Variants in NTMT2 observed in about 807,000 individuals in gnomAD.
NTMT2 encodes X-Pro-Lys N-terminal protein methyltransferase 1B.
In NTMT2, 21 loss-of-function variants were observed where a neutral mutation model predicts 23.4. The ratio of observed to expected loss-of-function variants is 0.90; its 90% CI spans 0.64 to 1.29. The LOEUF is 1.29. Among genes scored for constraint, NTMT2 ranks in the 50% most tolerant of loss-of-function variants. The probability of loss-of-function intolerance (pLI) is 0.00; values close to 1 mark genes in which losing one functional copy is unlikely to be tolerated. For missense variants in NTMT2, 336 were observed against 352.0 expected, an observed-to-expected ratio of 0.95 and a Z score of 0.36; for synonymous variants, 131 against 127.7, an observed-to-expected ratio of 1.03 and a Z score of -0.17.
intron 1 of NTMT2, among the ~76,000 whole-genome samples, chr1:170,152,733 G>A (rs1673095191): frequency 6.6e-6 from 1 of 151,962 alleles, no homozygotes; most frequent in Non-Finnish European, 1.5e-5. Flanking sequence ...CATTGTTGAT[G>A]AAAAATATAA....
chr1:170,164,628 A>G (rs991692140), intron 2 of NTMT2, among the ~76,000 whole-genome samples: 2 of 152,158 alleles, frequency 1.3e-5, no homozygotes, highest in Non-Finnish European at 2.9e-5. Flanking sequence ...GACATCACTA[A>G]TCAATCATAG....
At chr1:170,163,554 C>G (rs1673312933) in intron 2 of NTMT2, among the ~76,000 whole-genome samples, 1 of 152,178 alleles carries the variant, frequency 6.6e-6, no homozygotes, top group Non-Finnish European at 1.5e-5. Flanking sequence ...AGTAGTAATT[C>G]ATAAAAACCC....
chr1:170,162,155 C>T (rs1346892813), intron 2 of NTMT2, among the ~76,000 whole-genome samples: 1 of 152,080 alleles, frequency 6.6e-6, no homozygotes, highest in Non-Finnish European at 1.5e-5. Context: ...GACTTAAACC[C>T]CAAGATAAAG....
rs942024862 is a variant in NTMT2, at chr1:170,166,673, A to C, written c.502A>C (p.Ser168Arg). The C allele has an allele frequency of 6.4e-7, 1 of 1,552,130 alleles. No individual in the cohort carries two copies. The highest frequency in any genetic ancestry group is 1.4e-5 in the African/African-American group (1 of 73,040). The change falls in exon 3 of 4, where the codon AGC becomes CGC. Residue 168 changes from serine (S) to arginine (R), a missense_variant. Physicochemically the swap from Ser to Arg is moderately radical, Grantham distance 110. Coordinates refer to ENST00000439373, the MANE Select transcript of NTMT2 (RefSeq NM_001136107.2). ...GCAGGTCAAAGGTGACAAAGTAGAA[A>C]GCTACCACTGCTACAGCCTGCAGGA... ...YLQVKGDKVE[S>R]YHCYSLQEFT...
Position 170,166,125 on chromosome 1 carries a change from CTT to C in NTMT2, c.331-364_331-363del, listed in dbSNP as rs1420113193. On this transcript the variant is annotated intron_variant, in intron 2 of 3. Coordinates refer to ENST00000439373, the MANE Select transcript of NTMT2 (RefSeq NM_001136107.2). ...GTAACTAGGGTGTGCAATTTTCTTT[CTT>C]TTTTTTTTTTTTCTTTTTTTTTTTT... is the stretch of plus-strand genomic sequence containing the variant. Among the ~76,000 whole-genome samples the C allele has an allele frequency of 9.4e-3, 1,055 of 112,482 alleles. 37 individuals carry two copies. Among genetic ancestry groups the C allele is most frequent in the East Asian group, 0.031 (117 of 3,726 alleles). The allele number at this position is 112,482 out of a possible 152,430, so 73.8% of individuals were successfully genotyped here. A position where few individuals can be genotyped will look rare whatever the true frequency, so the allele number is the denominator to read the frequency against.
intron 1 of NTMT2, among the ~76,000 whole-genome samples, chr1:170,147,221 T>G (rs530993115): frequency 6.6e-6 from 1 of 152,230 alleles, no homozygotes; most frequent in Admixed American, 6.5e-5. Context: ...GATCTTTAAT[T>G]CTAAACATAC....
intron 1 of NTMT2, among the ~76,000 whole-genome samples, chr1:170,158,561 A>G (rs1673208462): frequency 6.6e-6 from 1 of 151,962 alleles, no homozygotes; most frequent in Non-Finnish European, 1.5e-5. Flanking sequence ...TTTAAAAAAA[A>G]ATCTATGCAT....
chr1:170,147,292 T>C (rs1672982041), intron 1 of NTMT2, among the ~76,000 whole-genome samples: 1 of 152,236 alleles, frequency 6.6e-6, no homozygotes, highest in South Asian at 2.1e-4. Context: ...TCTATGACTT[T>C]ATTTGATTCT....
chr1:170,166,140 C>CTTTTTTTTTTTTTTTTTTT (rs3040077), intron 2 of NTMT2, among the ~76,000 whole-genome samples: 11 of 67,822 alleles, frequency 1.6e-4, no homozygotes, highest in Admixed American at 2.3e-4. Flanking sequence ...TTTTTTTTTT[C>CTTTTTTTTTTTTTTTTTTT]TTTTTTTTTT....
chr1:170,152,383 T>G lies in NTMT2; in HGVS notation c.154+6122T>G, dbSNP rs1673087143. 2.0e-5 allele frequency among the ~76,000 whole-genome samples: 3 copies of G among 151,488 alleles called. No homozygotes were observed. The South Asian group carries it at 6.3e-4, about 32-fold the overall frequency. On this transcript the variant is annotated intron_variant, in intron 1 of 3. Transcript: ENST00000439373. The stretch of plus-strand genomic sequence containing the variant: ...ATTTGATAGTAGGTCAGATAGAGAG[T>G]TCAAGAAAGAAGAGAGTTAGGAAGA...
At chr1:170,147,164 G>A (rs1398111304) in intron 1 of NTMT2, among the ~76,000 whole-genome samples, 1 of 152,202 alleles carries the variant, frequency 6.6e-6, no homozygotes, top group Non-Finnish European at 1.5e-5. Context: ...TCAAGCAACC[G>A]AATGTTAGCA....
Position 170,146,099 on chromosome 1 carries a change from C to T in NTMT2, c.-9C>T, listed in dbSNP as rs747236262. On this transcript the variant is annotated 5_prime_UTR_variant, in exon 1 of 4. Transcript: ENST00000439373. ...TTCTCTGTAGGAATCATTATTATCC[C>T]CCTTTGTCATGGCCCACCGGGGAGC... 2.6e-6 allele frequency: 4 copies of T among 1,548,914 alleles called. No homozygotes were observed. The Admixed American group carries it at 5.9e-5, about 23-fold the overall frequency.
At position 170,168,415 on chromosome 1, in the gene NTMT2, T is replaced by A. The variant is rs2102245589; in HGVS notation, c.*658T>A. On this transcript the variant is annotated 3_prime_UTR_variant, in exon 4 of 4. Transcript: ENST00000439373. ...TCCTCTTTGGTACTACTACTTCTCT[T>A]GAACAAACATCTCCCTCTAATTAAG... is the stretch of plus-strand genomic sequence containing the variant. 6.6e-6 allele frequency among the ~76,000 whole-genome samples: 1 copy of A among 152,298 alleles called. No homozygotes were observed. Among genetic ancestry groups the A allele is most frequent in the Non-Finnish European group, 1.5e-5 (1 of 68,024 alleles).
Position 170,166,682 on chromosome 1 carries a change from T to C in NTMT2, c.511T>C (p.Cys171Arg). The C allele has an allele frequency of 6.4e-7, 1 of 1,552,272 alleles. No individual in the cohort carries two copies. Among genetic ancestry groups the C allele is most frequent in the Non-Finnish European group, 8.7e-7 (1 of 1,147,098 alleles). ...AGGTGACAAAGTAGAAAGCTACCAC[T>C]GCTACAGCCTGCAGGAATTCACACC... ...VKGDKVESYH[C>R]YSLQEFTPPF... is the part of the protein sequence containing the mutation. The change falls in exon 3 of 4, where the codon TGC becomes CGC. Residue 171 changes from cysteine to arginine, a missense_variant. By Grantham distance (180) the Cys-to-Arg change is radical. Coordinates refer to ENST00000439373, the MANE Select transcript of NTMT2 (RefSeq NM_001136107.2).
intron 1 of NTMT2, chr1:170,151,581 A>G (rs1275631975): frequency 6.5e-6 from 1 of 152,952 alleles, no homozygotes; most frequent in Non-Finnish European, 1.5e-5. Flanking sequence ...TCATTGTACA[A>G]TGATACATTT....
At chr1:170,159,345 T>C (rs1331409259) in intron 1 of NTMT2, among the ~76,000 whole-genome samples, 1 of 151,954 alleles carries the variant, frequency 6.6e-6, no homozygotes, top group Non-Finnish European at 1.5e-5. Context: ...ACAGCTGTGC[T>C]GTCTGCTGCT....
chr1:170,152,712 C>A (rs1244070147), intron 1 of NTMT2, among the ~76,000 whole-genome samples: 1 of 151,954 alleles, frequency 6.6e-6, no homozygotes, highest in Non-Finnish European at 1.5e-5. Context: ...GATAAATCCC[C>A]CCCCCACCAC....
At chr1:170,147,339 A>AT (rs894008926) in intron 1 of NTMT2, among the ~76,000 whole-genome samples, 3 of 151,404 alleles carry the variant, frequency 2.0e-5, no homozygotes, top group South Asian at 4.2e-4. Context: ...GTAAGTTATC[A>AT]TTTTTTTTTC....
Position 170,166,502 on chromosome 1 carries a change from G to A in NTMT2, c.331G>A (p.Gly111Arg). The part of the protein sequence containing the change: ...SQKFLRKFVG[G>R]PGRAGTDCAL... ...GAAATATCAAGGTGCCTTTCTGCAG[G>A]GGCCTGGGAGAGCTGGAACAGACTG... Residue 111 changes from glycine (G) to arginine (R), a missense_variant and splice_region_variant, in exon 3 of 4, where the codon GGG becomes AGG. Physicochemically the swap from Gly to Arg is moderately radical, Grantham distance 125 (BLOSUM62 -2). Transcript: ENST00000439373. 2 of 1,552,272 alleles carry A rather than the reference G, an allele frequency of 1.3e-6. No homozygotes were observed. The highest frequency in any genetic ancestry group is 1.7e-6 in the Non-Finnish European group (2 of 1,147,118).
Sources: allele counts gnomAD v4.1 joint callset (sites outside exome capture counted in the v4.1 genomes callset), GRCh38; gene constraint gnomAD v4.1.1; transcripts MANE v1.5; gene names NCBI Gene and HGNC (gene_info 2026-07-23, HGNC 2026-07-21).